The following SCGB2B2 variants were observed in gnomAD, a reference collection of about 807,000 sequenced individuals.
SCGB2B2 encodes the protein secretoglobin-like protein.
A neutral mutation model predicts 7.6 loss-of-function variants in SCGB2B2; 11 were observed. The observed-to-expected ratio is 1.45, with a 90% CI of 0.91 to 2.40. The LOEUF (loss-of-function observed/expected upper bound fraction) is 2.40, where lower values mean the gene tolerates loss of function less well. Among genes scored for constraint, SCGB2B2 ranks in the 30% most tolerant of loss-of-function variants. The probability of loss-of-function intolerance (pLI) is 0.00; values close to 1 mark genes in which losing one functional copy is unlikely to be tolerated. For synonymous variants in SCGB2B2, 50 were observed against 48.6 expected (o/e 1.03, Z -0.12); for missense variants, 104 against 115.4 (o/e 0.90, Z 0.45).
At chr19:34,597,382 A>AC (rs2065488794) in intron 1 of SCGB2B2, among the ~76,000 whole-genome samples, 2 of 151,834 alleles carry the variant, frequency 1.3e-5, no homozygotes, top group Admixed American at 1.3e-4. Context: ...CCCTGGGGAC[A>AC]TTGGGGGTGG....
chr19:34,594,578 G>C lies in SCGB2B2; in HGVS notation c.-15C>G. On this transcript the variant is annotated 5_prime_UTR_variant, in exon 2 of 4. Transcript: ENST00000601241. The stretch of plus-strand genomic sequence containing the variant: ...GTCACCCTCATGACAGCGGAGTCTG[G>C]TCCCAGCAGGCACAGGCAGGGAATT... 6.2e-7 allele frequency: 1 copy of C among 1,611,762 alleles called. No individual in the cohort carries two copies. Among genetic ancestry groups the C allele is most frequent in the Non-Finnish European group, 8.5e-7 (1 of 1,179,514 alleles).
At chr19:34,645,070 C>T (rs1030126714) in intron 1 of SCGB2B2, among the ~76,000 whole-genome samples, 4 of 152,206 alleles carry the variant, frequency 2.6e-5, no homozygotes, top group Admixed American at 2.0e-4. Flanking sequence ...GCCCAGGTGT[C>T]GCTCATGAAC....
At chr19:34,642,920 G>C (rs1003443121) in intron 1 of SCGB2B2, among the ~76,000 whole-genome samples, 1 of 152,124 alleles carries the variant, frequency 6.6e-6, no homozygotes, top group African/African-American at 2.4e-5. Context: ...AGACGCTAGT[G>C]AGGATATGGA....
intron 1 of SCGB2B2, among the ~76,000 whole-genome samples, chr19:34,606,568 A>C (rs187437473): frequency 9.5e-4 from 144 of 151,534 alleles, no homozygotes; most frequent in African/African-American, 3.3e-3. Flanking sequence ...ATTTTTATCA[A>C]ATTTCAAGTA....
chr19:34,658,951 T>G (rs181103397), intron 1 of SCGB2B2, among the ~76,000 whole-genome samples: 5 of 152,228 alleles, frequency 3.3e-5, no homozygotes, highest in Non-Finnish European at 7.4e-5. Context: ...ATGATCAAGT[T>G]GGCTTCATCC....
chr19:34,634,890 G>C (rs1192310301), intron 1 of SCGB2B2: 1 of 278,190 alleles, frequency 3.6e-6, no homozygotes, highest in Non-Finnish European at 7.5e-6. Context: ...AATGAGGCTG[G>C]ATCTTTGGCT....
At chr19:34,638,864 A>G (rs922971666) in intron 1 of SCGB2B2, among the ~76,000 whole-genome samples, 3 of 152,202 alleles carry the variant, frequency 2.0e-5, no homozygotes, top group African/African-American at 7.2e-5. Flanking sequence ...AAACCCCAAT[A>G]AAAGGGACCA....
At chr19:34,635,984 T>C (rs943716934) in intron 1 of SCGB2B2, among the ~76,000 whole-genome samples, 7 of 152,202 alleles carry the variant, frequency 4.6e-5, no homozygotes, top group Admixed American at 3.3e-4. Flanking sequence ...TCCCTGATGC[T>C]CAGCCAAGAG....
intron 1 of SCGB2B2, among the ~76,000 whole-genome samples, chr19:34,600,918 GGTGTGTGTGTGTGT>G (rs59535318): frequency 1.3e-5 from 2 of 150,012 alleles, no homozygotes; most frequent in Non-Finnish European, 3.0e-5. Context: ...CTCGGGGTGT[GGTGTGTGTGTGTGT>G]GTGTGTGTGC....
Position 34,662,291 on chromosome 19 carries a change from T to C in SCGB2B2, c.-2032+13339A>G, listed in dbSNP as rs141123585. 8.4e-3 allele frequency among the ~76,000 whole-genome samples: 1,285 copies of C among 152,186 alleles called. 19 individuals are homozygous for C. Among genetic ancestry groups the C allele is most frequent in the African/African-American group, 0.03 (1,232 of 41,494 alleles). The stretch of plus-strand genomic sequence containing the variant: ...CTAAACTGGGACAGCAGGGAATCTA[T>C]ATAATTAAAAAGAAAGGGAGTTCTT... On this transcript the variant is annotated intron_variant, in intron 1 of 3. Coordinates refer to ENST00000601241, the MANE Select transcript of SCGB2B2 (RefSeq NM_001025591.4).
chr19:34,665,658 C>T (rs186461986), intron 1 of SCGB2B2, among the ~76,000 whole-genome samples: 2 of 152,234 alleles, frequency 1.3e-5, no homozygotes, highest in African/African-American at 2.4e-5. Context: ...TGAGGGCCCA[C>T]GTGTGTATTG....
chr19:34,613,935 G>A (rs2145856206), intron 1 of SCGB2B2, among the ~76,000 whole-genome samples: 1 of 152,294 alleles, frequency 6.6e-6, no homozygotes, highest in East Asian at 1.9e-4. Context: ...TCAGCACTTT[G>A]AATATATTAT....
chr19:34,590,550 T>C (rs1757543802), downstream of SCGB2B2, among the ~76,000 whole-genome samples: 2 of 152,210 alleles, frequency 1.3e-5, no homozygotes, highest in Non-Finnish European at 2.9e-5. Context: ...AAGACTCTTG[T>C]TGAAGAGGAT....
At chr19:34,607,244 A>G (rs978180880) in intron 1 of SCGB2B2, among the ~76,000 whole-genome samples, 1 of 152,236 alleles carries the variant, frequency 6.6e-6, no homozygotes, top group African/African-American at 2.4e-5. Flanking sequence ...AAAAGGCTGA[A>G]TAGTATTCCA....
At chr19:34,617,109 C>A (rs2066105268) in intron 1 of SCGB2B2, among the ~76,000 whole-genome samples, 1 of 152,204 alleles carries the variant, frequency 6.6e-6, no homozygotes. Flanking sequence ...AGTTTGAAGT[C>A]AGGTAGTGTG....
At chr19:34,610,885 A>G (rs1390933294) in intron 1 of SCGB2B2, among the ~76,000 whole-genome samples, 2 of 151,692 alleles carry the variant, frequency 1.3e-5, no homozygotes, top group African/African-American at 4.8e-5. Flanking sequence ...GAAGACTCTG[A>G]GAAGAACTGG....
At position 34,611,945 on chromosome 19, in the gene SCGB2B2, G is replaced by T. The variant is rs1204639998; in HGVS notation, c.-2031-15351C>A. Among the ~76,000 whole-genome samples the T allele has an allele frequency of 5.3e-5, 8 of 150,352 alleles. 1 individual carries two copies. The South Asian group carries it at 1.0e-3, about 20-fold the overall frequency. ...TGGGATTACAGGCATGAGCCAATGT[G>T]CCTGGCCCAAAATTTACTTCTTAAT... On this transcript the variant is annotated intron_variant, in intron 1 of 3. Transcript: ENST00000601241.
In SCGB2B2 at chr19:34,591,533, A is replaced by G. The variant is rs1313135189; in HGVS notation, c.*2022T>C. ...CCAACAGGGAAAGTGTGACCTCGTA[A>G]GTCCTGCTCATCCCCTCCCAGGATT... On this transcript the variant is annotated 3_prime_UTR_variant, in exon 4 of 4. Coordinates refer to ENST00000601241, the MANE Select transcript of SCGB2B2 (RefSeq NM_001025591.4). 6.6e-6 allele frequency among the ~76,000 whole-genome samples: 1 copy of G among 152,144 alleles called. No individual in the cohort carries two copies. The highest frequency in any genetic ancestry group is 2.4e-5 in the African/African-American group (1 of 41,442).
At chr19:34,668,114 C>G (rs1037699323) in intron 1 of SCGB2B2, among the ~76,000 whole-genome samples, 1 of 152,248 alleles carries the variant, frequency 6.6e-6, no homozygotes, top group Non-Finnish European at 1.5e-5. Context: ...GCCCTTCAGC[C>G]CAGCGCTGCA....
Sources: gnomAD v4.1 joint callset for allele counts (sites outside exome capture counted in the v4.1 genomes callset) on GRCh38, gnomAD v4.1.1 for gene constraint, MANE v1.5 for transcripts, NCBI Gene and HGNC (gene_info 2026-07-23, HGNC 2026-07-21) for gene names.